The following MTCL1 variants were observed in gnomAD, a reference collection of about 807,000 sequenced individuals.
The protein encoded by MTCL1 is microtubule cross-linking factor 1.
A neutral mutation model predicts 141.4 loss-of-function variants in MTCL1; 79 were observed. That is an observed-to-expected ratio of 0.56 (90% CI 0.47 to 0.67). The LOEUF (loss-of-function observed/expected upper bound fraction) is 0.67, where lower values mean the gene tolerates loss of function less well. Among genes scored for constraint, MTCL1 ranks in the 30% least tolerant of loss-of-function variants. MTCL1 has a pLI of 0.00. For synonymous variants in MTCL1, 914 were observed against 875.8 expected, an observed-to-expected ratio of 1.04 and a Z score of -0.77; for missense variants, 2,177 against 2,113.9, an observed-to-expected ratio of 1.03 and a Z score of -0.59.
intron 4 of MTCL1, among the ~76,000 whole-genome samples, chr18:8,763,585 A>G (rs1172987885): frequency 2.0e-5 from 3 of 152,070 alleles, no homozygotes; most frequent in African/African-American, 7.2e-5. Context: ...TTTTCCTTTT[A>G]TTTCCCTTTC....
intron 10 of MTCL1, among the ~76,000 whole-genome samples, chr18:8,804,988 A>T (rs1293009387): frequency 6.5e-4 from 1 of 1,530 alleles, no homozygotes; most frequent in South Asian, 0.12. Context: ...CCTTGCCTCA[A>T]AAAAAAAAAA....
chr18:8,792,070 A>T (rs1384210724), intron 7 of MTCL1, among the ~76,000 whole-genome samples: 2 of 152,176 alleles, frequency 1.3e-5, no homozygotes, highest in African/African-American at 2.4e-5. Context: ...CCTCAGGGAG[A>T]AGTAGTAGAT....
intron 4 of MTCL1, among the ~76,000 whole-genome samples, chr18:8,730,507 T>G (rs951267276): frequency 1.3e-5 from 2 of 152,192 alleles, no homozygotes; most frequent in South Asian, 4.1e-4. Context: ...GTAGGTCAAG[T>G]TTTTTGACAA....
chr18:8,771,454 T>C (rs911169650), intron 4 of MTCL1, among the ~76,000 whole-genome samples: 1 of 152,236 alleles, frequency 6.6e-6, no homozygotes, highest in African/African-American at 2.4e-5. Context: ...CTGAAAATTA[T>C]CAGTCTGCAT....
intron 8 of MTCL1, among the ~76,000 whole-genome samples, chr18:8,793,781 T>C (rs2075819223): frequency 6.6e-6 from 1 of 152,224 alleles, no homozygotes; most frequent in South Asian, 2.1e-4. Flanking sequence ...TCTTGAAAGA[T>C]AGCTATGTCT....
At chr18:8,710,457 CTTTTTTTT>C (rs59830434) in intron 1 of MTCL1, among the ~76,000 whole-genome samples, 32,464 of 122,152 alleles carry the variant, frequency 0.27, 4,361 homozygotes, top group East Asian at 0.49. Context: ...CAGGCACTTT[CTTTTTTTT>C]TTTTTTTTTT....
chr18:8,707,812 C>A (rs1268551101), intron 1 of MTCL1, among the ~76,000 whole-genome samples: 1 of 152,142 alleles, frequency 6.6e-6, no homozygotes, highest in Non-Finnish European at 1.5e-5. Context: ...GAGGATTGGG[C>A]TTTAAGGTGC....
intron 9 of MTCL1, among the ~76,000 whole-genome samples, chr18:8,797,856 G>A (rs532038537): frequency 1.3e-5 from 2 of 152,308 alleles, no homozygotes; most frequent in East Asian, 3.9e-4. Flanking sequence ...TAATTTAAAA[G>A]CAGTAGAATT....
intron 16 of MTCL1, chr18:8,829,113 A>G (rs2144548409): frequency 6.5e-6 from 9 of 1,384,922 alleles, no homozygotes; most frequent in Non-Finnish European, 8.7e-6. Flanking sequence ...GCCTAAACCC[A>G]GGAACAGATT....
At chr18:8,758,616 G>A (rs1326017224) in intron 4 of MTCL1, among the ~76,000 whole-genome samples, 1 of 152,242 alleles carries the variant, frequency 6.6e-6, no homozygotes, top group Admixed American at 6.5e-5. Flanking sequence ...ATCTAACATA[G>A]CCTGGTCTTG....
chr18:8,726,377 A>G (rs900303537), intron 4 of MTCL1, among the ~76,000 whole-genome samples: 13 of 143,498 alleles, frequency 9.1e-5, no homozygotes, highest in East Asian at 4.1e-4. Context: ...ATGCTAGTCA[A>G]TTTGGTTCCT....
intron 4 of MTCL1, among the ~76,000 whole-genome samples, chr18:8,729,530 G>A (rs2148857981): frequency 6.6e-6 from 1 of 151,854 alleles, no homozygotes; most frequent in Non-Finnish European, 1.5e-5. Flanking sequence ...AGCCTTCTGA[G>A]TAACTAGGAC....
chr18:8,817,168 C>G (rs1230497328), intron 12 of MTCL1, among the ~76,000 whole-genome samples: 1 of 151,574 alleles, frequency 6.6e-6, no homozygotes, highest in Admixed American at 6.6e-5. Flanking sequence ...ATTTTAATTT[C>G]TTGCCCAAAA....
chr18:8,721,410 T>G (rs1394831557), intron 4 of MTCL1, among the ~76,000 whole-genome samples: 1 of 152,076 alleles, frequency 6.6e-6, no homozygotes, highest in African/African-American at 2.4e-5. Context: ...GGCCCTGCTC[T>G]CAAGGCGCCT....
intron 4 of MTCL1, among the ~76,000 whole-genome samples, chr18:8,730,703 G>A (rs766383738): frequency 6.6e-6 from 1 of 152,138 alleles, no homozygotes; most frequent in East Asian, 1.9e-4. Flanking sequence ...TGCAGGCTCC[G>A]GGGGACCTTT....
chr18:8,796,161 G>A (rs2075911064), intron 8 of MTCL1, 71 bp from the exon 8 acceptor site: 2 of 1,484,386 alleles, frequency 1.3e-6, no homozygotes, highest in Non-Finnish European at 1.9e-6. Context: ...AGTTTGCAGG[G>A]ACTCTTGGTT....
chr18:8,805,290 CTGT>C (rs1416527097), intron 10 of MTCL1, among the ~76,000 whole-genome samples: 2 of 152,076 alleles, frequency 1.3e-5, no homozygotes, highest in Non-Finnish European at 2.9e-5. Context: ...TACCCAGTGT[CTGT>C]TGTTCCCATC....
chr18:8,823,830 G>T (rs1051259685), intron 14 of MTCL1, among the ~76,000 whole-genome samples: 1 of 152,194 alleles, frequency 6.6e-6, no homozygotes, highest in African/African-American at 2.4e-5. Flanking sequence ...GCTCAGAGCA[G>T]ACCCCAATTC....
chr18:8,832,192 C>G (rs1246320274), exon 17 of MTCL1: 1 of 197,350 alleles, frequency 5.1e-6, no homozygotes, highest in East Asian at 1.4e-4. Flanking sequence ...TGCACTGTTA[C>G]ATTTTGGTTC....
Sources: allele counts gnomAD v4.1 joint callset (sites outside exome capture counted in the v4.1 genomes callset), GRCh38; gene constraint gnomAD v4.1.1; transcripts MANE v1.5; gene names NCBI Gene and HGNC (gene_info 2026-07-23, HGNC 2026-07-21).